The following DCX variants were observed in gnomAD, a reference collection of about 807,000 sequenced individuals.
DCX encodes the protein neuronal migration protein doublecortin.
DCX carries 4 observed loss-of-function variants against 20.9 expected under a neutral mutation model. The ratio of observed to expected loss-of-function variants is 0.19; its 90% CI spans 0.09 to 0.44. DCX has a LOEUF of 0.44. Among genes scored for constraint, DCX ranks in the 20% least tolerant of loss-of-function variants. The pLI is 0.99. For missense variants in DCX, 133 were observed against 296.9 expected (o/e 0.45, Z 4.06); for synonymous variants, 103 against 111.4 (o/e 0.92, Z 0.47).
chrX:111,379,097 G>A (rs1027325229), intron 3 of DCX, among the ~76,000 whole-genome samples: 3 of 112,058 alleles, frequency 2.7e-5, no homozygotes, highest in Non-Finnish European at 3.8e-5. Context: ...AAGGTAGTTC[G>A]TTATAGCAGC....
At chrX:111,341,887 G>A (rs1311750144) in intron 3 of DCX, among the ~76,000 whole-genome samples, 1 of 110,527 alleles carries the variant, frequency 9.0e-6, no homozygotes, top group Non-Finnish European at 1.9e-5. Context: ...ACTAAATATG[G>A]AAGGGAAAAA....
At chrX:111,391,361 C>A (rs911761050) in intron 3 of DCX, among the ~76,000 whole-genome samples, 6 of 111,635 alleles carry the variant, frequency 5.4e-5, no homozygotes, top group African/African-American at 1.3e-4. Flanking sequence ...GCCTGTGGAA[C>A]TGTGAGTCAA....
chrX:111,373,311 C>A (rs1338311796), intron 3 of DCX, among the ~76,000 whole-genome samples: 2 of 111,708 alleles, frequency 1.8e-5, no homozygotes, highest in Non-Finnish European at 3.8e-5. Flanking sequence ...CAAGTTCAAG[C>A]TGCAAGAAAT....
At chrX:111,398,352 A>C (rs1013272515) in intron 3 of DCX, among the ~76,000 whole-genome samples, 1 of 110,970 alleles carries the variant, frequency 9.0e-6, no homozygotes, top group Non-Finnish European at 1.9e-5. Flanking sequence ...AATTAAAAAA[A>C]AAAAAAGGTT....
intron 6 of DCX, among the ~76,000 whole-genome samples, chrX:111,310,434 TAG>T (rs200421978): frequency 2.7e-5 from 3 of 111,643 alleles, no homozygotes; most frequent in Admixed American, 9.4e-5. Flanking sequence ...ATATTATACA[TAG>T]AGAGAGAGAA....
At position 111,325,210 on chromosome X, in the gene DCX, T is replaced by A. The variant is rs146136436; in HGVS notation, c.946+5694A>T. Among the ~76,000 whole-genome samples, 635 of 111,211 alleles carry A rather than the reference T, an allele frequency of 5.7e-3. 2 individuals are homozygous for A. The highest frequency in any genetic ancestry group is 9.6e-3 in the Non-Finnish European group (509 of 52,978). ...AATGACACAGACACCAACCCACCCC[T>A]TGCCTTTCCACCTCCCTAGCCTGGA... is the stretch of plus-strand genomic sequence containing the variant. On this transcript the variant is annotated intron_variant, in intron 5 of 6. Coordinates refer to ENST00000636035, the MANE Select transcript of DCX (RefSeq NM_001195553.2).
At chrX:111,310,360 T>A (rs972406739) in intron 6 of DCX, among the ~76,000 whole-genome samples, 16 of 110,394 alleles carry the variant, frequency 1.4e-4, no homozygotes, top group Admixed American at 7.7e-4. Flanking sequence ...ATAAATAAAA[T>A]AAATAAAAGA....
chrX:111,385,090 T>C (rs1926279289), intron 3 of DCX, among the ~76,000 whole-genome samples: 1 of 112,584 alleles, frequency 8.9e-6, no homozygotes, highest in Admixed American at 9.3e-5. Flanking sequence ...GAACTCCAGA[T>C]TGAAACATCA....
At chrX:111,308,290 T>C (rs985592519) in intron 6 of DCX, among the ~76,000 whole-genome samples, 2 of 112,227 alleles carry the variant, frequency 1.8e-5, no homozygotes, top group Non-Finnish European at 3.8e-5. Flanking sequence ...AGTTGGTCTC[T>C]GGTCCAAGGA....
chrX:111,334,661 T>C (rs749768850), intron 3 of DCX, among the ~76,000 whole-genome samples: 2 of 112,134 alleles, frequency 1.8e-5, no homozygotes, highest in Non-Finnish European at 3.8e-5. Context: ...TAAACACAGA[T>C]CTATCTAACT....
At chrX:111,303,696 T>C (rs1236244530) in intron 6 of DCX, among the ~76,000 whole-genome samples, 2 of 111,564 alleles carry the variant, frequency 1.8e-5, no homozygotes, top group Non-Finnish European at 3.8e-5. Flanking sequence ...TAAGGTTTCT[T>C]CCAGCTCTGA....
chrX:111,393,366 T>G (rs1353360568), intron 3 of DCX, among the ~76,000 whole-genome samples: 65 of 111,695 alleles, frequency 5.8e-4, no homozygotes, highest in Non-Finnish European at 3.8e-5. Context: ...GAGCTAAAAA[T>G]ATAAAACTTC....
intron 3 of DCX, among the ~76,000 whole-genome samples, chrX:111,338,887 C>T (rs1401632888): frequency 2.7e-5 from 3 of 111,724 alleles, no homozygotes; most frequent in African/African-American, 6.5e-5. Flanking sequence ...GATCAGGCTT[C>T]CATTCCCATT....
intron 3 of DCX, among the ~76,000 whole-genome samples, chrX:111,389,267 C>T (rs192440077): frequency 1.0e-3 from 114 of 111,202 alleles, no homozygotes; most frequent in African/African-American, 3.6e-3. Context: ...TTAATGTTCT[C>T]TGGATACATC....
At chrX:111,307,679 T>C (rs1388917113) in intron 6 of DCX, among the ~76,000 whole-genome samples, 1 of 111,664 alleles carries the variant, frequency 9.0e-6, no homozygotes, top group Non-Finnish European at 1.9e-5. Flanking sequence ...GCAAGAGAAA[T>C]GGTACAGACA....
chrX:111,325,831 T>C (rs1177111790), intron 5 of DCX, among the ~76,000 whole-genome samples: 1 of 112,363 alleles, frequency 8.9e-6, no homozygotes. Context: ...TTTTTTAACT[T>C]TTTAAGATGT....
chrX:111,345,407 C>T (rs1292785880), intron 3 of DCX, among the ~76,000 whole-genome samples: 2 of 111,889 alleles, frequency 1.8e-5, no homozygotes, highest in Non-Finnish European at 3.8e-5. Flanking sequence ...TCTAATTAAA[C>T]TAAAGAGCTT....
intron 3 of DCX, among the ~76,000 whole-genome samples, chrX:111,368,901 T>TATATACACACAC (rs1467693516): frequency 1.4e-3 from 135 of 98,278 alleles, no homozygotes; most frequent in African/African-American, 4.9e-3. Flanking sequence ...TATATATACA[T>TATATACACACAC]ACACACACAC....
chrX:111,316,229 TTTG>T (rs952294171), intron 5 of DCX, among the ~76,000 whole-genome samples: 1 of 109,197 alleles, frequency 9.2e-6, no homozygotes, highest in African/African-American at 3.3e-5. Flanking sequence ...CACTCCCTTT[TTTG>T]TTGTTGTTTT....
Sources: allele counts gnomAD v4.1 joint callset (sites outside exome capture counted in the v4.1 genomes callset), GRCh38; gene constraint gnomAD v4.1.1; transcripts MANE v1.5; gene names NCBI Gene and HGNC (gene_info 2026-07-23, HGNC 2026-07-21).